ZP3: variants seen among roughly 807,000 people sequenced by gnomAD.
The protein encoded by ZP3 is zona pellucida glycoprotein 3.
ZP3 carries 21 observed loss-of-function variants against 35.6 expected under a neutral mutation model. The observed-to-expected ratio is 0.59, with a 90% CI of 0.42 to 0.85. The LOEUF (loss-of-function observed/expected upper bound fraction) is 0.85. ZP3 is among the 40% of genes least tolerant of loss of function. The pLI, the probability that ZP3 is intolerant of heterozygous loss-of-function variation, is 0.00. For synonymous variants in ZP3, 207 were observed against 214.5 expected (o/e 0.96, Z 0.31); for missense variants, 437 against 536.5 (o/e 0.81, Z 1.83).
intron 2 of ZP3, among the ~76,000 whole-genome samples, chr7:76,431,403 T>C (rs1805820732): frequency 6.6e-6 from 1 of 152,176 alleles, no homozygotes; most frequent in African/African-American, 2.4e-5. Flanking sequence ...GCTGGGATGC[T>C]TTAACCTGGC....
At chr7:76,407,362 C>T (rs997922319) in intron 1 of ZP3, among the ~76,000 whole-genome samples, 85 of 151,744 alleles carry the variant, frequency 5.6e-4, no homozygotes, top group African/African-American at 1.8e-3. Flanking sequence ...GACAGAGTCT[C>T]GCCTTGTCGC....
intron 1 of ZP3, among the ~76,000 whole-genome samples, chr7:76,410,027 T>G (rs936632288): frequency 6.6e-6 from 1 of 152,068 alleles, no homozygotes; most frequent in Admixed American, 6.6e-5. Context: ...GCCTTCTTTT[T>G]TTTTCTTTTT....
chr7:76,402,612 C>T (rs936455443), intron 1 of ZP3, among the ~76,000 whole-genome samples: 10 of 152,304 alleles, frequency 6.6e-5, no homozygotes, highest in Middle Eastern at 3.4e-3. Context: ...AGCCACCTTG[C>T]CTGGCCTTGA....
intron 2 of ZP3, 107 bp from the exon 3 acceptor site, chr7:76,432,820 A>T (rs777958122): frequency 1.5e-4 from 137 of 906,656 alleles, no homozygotes; most frequent in Non-Finnish European, 2.2e-4. Flanking sequence ...TGGCTGGGCC[A>T]TAGCTGAGGA....
intron 1 of ZP3, among the ~76,000 whole-genome samples, chr7:76,427,595 T>TA (rs71085412): frequency 0.01 from 1,534 of 151,960 alleles, 14 homozygotes; most frequent in Non-Finnish European, 0.016. Context: ...GCCCAGTGCT[T>TA]AATGGAATGC....
At chr7:76,437,634 C>A (rs1460977408) in intron 5 of ZP3, among the ~76,000 whole-genome samples, 7 of 150,622 alleles carry the variant, frequency 4.6e-5, no homozygotes, top group Admixed American at 6.7e-5. Flanking sequence ...TTATAGGCAC[C>A]TGCCACCATG....
chr7:76,401,782 T>G (rs896976797), intron 1 of ZP3, among the ~76,000 whole-genome samples: 13 of 152,248 alleles, frequency 8.5e-5, no homozygotes, highest in Non-Finnish European at 1.6e-4. Context: ...AGCCCTCAGC[T>G]AGAAGTGCTC....
chr7:76,404,609 T>G, intron 1 of ZP3: 1 of 881,108 alleles, frequency 1.1e-6, no homozygotes, highest in Non-Finnish European at 1.7e-6. Flanking sequence ...CTGGGCAACA[T>G]AGTGAGACCC....
upstream of ZP3, among the ~76,000 whole-genome samples, chr7:76,423,025 G>GAGAGAGAGAGAGAGAGAGAGAA (rs1278384225): frequency 1.3e-5 from 1 of 75,844 alleles, no homozygotes; most frequent in African/African-American, 4.9e-5. Context: ...GAGAGAGAGA[G>GAGAGAGAGAGAGAGAGAGAGAA]AGAAAGAAAG....
intron 2 of ZP3, among the ~76,000 whole-genome samples, chr7:76,431,483 A>G (rs1563700239): frequency 1.3e-5 from 2 of 152,252 alleles, no homozygotes; most frequent in East Asian, 3.9e-4. Context: ...AGCAGATCCT[A>G]TGGGGTTAGC....
At chr7:76,438,368 G>A (rs1449689149) in intron 5 of ZP3, among the ~76,000 whole-genome samples, 1 of 152,126 alleles carries the variant, frequency 6.6e-6, no homozygotes, top group Non-Finnish European at 1.5e-5. Context: ...GACAAGCCTG[G>A]CCAACATGGG....
At chr7:76,434,600 T>C in intron 5 of ZP3, among the ~76,000 whole-genome samples, 1 of 134,370 alleles carries the variant, frequency 7.4e-6, no homozygotes. Flanking sequence ...ATTGTGCCAC[T>C]GCACCTCCAG....
At chr7:76,426,266 A>G (rs1805647807) in intron 1 of ZP3, among the ~76,000 whole-genome samples, 1 of 152,118 alleles carries the variant, frequency 6.6e-6, no homozygotes, top group African/African-American at 2.4e-5. Context: ...TTCCCTAGCC[A>G]GTGGGGAAAG....
chr7:76,407,964 A>C (rs979906113), intron 1 of ZP3, among the ~76,000 whole-genome samples: 3 of 152,124 alleles, frequency 2.0e-5, no homozygotes, highest in Admixed American at 6.6e-5. Flanking sequence ...GCAGAGAGGA[A>C]GGAGAGATGC....
At position 76,402,332 on chromosome 7, in the gene ZP3, G is replaced by A. The variant is rs150149357; in HGVS notation, c.-67+4535G>A. Among the ~76,000 whole-genome samples the A allele has an allele frequency of 7.9e-5, 12 of 151,482 alleles. No individual in the cohort carries two copies. In the East Asian group the frequency reaches 9.8e-4, roughly 12 times the overall value. On this transcript the variant is annotated intron_variant, in intron 1 of 8. Coordinates refer to the ZP3 transcript ENST00000336517. ...GTAATTGGGACTGCAGGCGCACACC[G>A]CCACACCCAGCTAATTTTTATATTT...
chr7:76,425,296 C>T lies in ZP3; in HGVS notation c.312+20C>T, dbSNP rs1805618782. The T allele has an allele frequency of 1.3e-6, 2 of 1,585,294 alleles. No individual in the cohort carries two copies. Among genetic ancestry groups the T allele is most frequent in the Non-Finnish European group, 1.7e-6 (2 of 1,165,392 alleles). The stretch of plus-strand genomic sequence containing the variant: ...ATGCAGGTAAGAGAGGCTGGGGGCC[C>T]TGGCTTTGGTGGGAGGATGTTCGAG... On this transcript the variant is annotated intron_variant, in intron 1 of 7. Transcript: ENST00000394857.
chr7:76,422,186 T>A (rs367780753), upstream of ZP3, among the ~76,000 whole-genome samples: 2 of 151,496 alleles, frequency 1.3e-5, no homozygotes, highest in Non-Finnish European at 2.9e-5. Context: ...CATGAGCCAC[T>A]ACGCCCGGCC....
chr7:76,427,454 T>C (rs1033271104), intron 1 of ZP3, among the ~76,000 whole-genome samples: 2 of 146,952 alleles, frequency 1.4e-5, no homozygotes, highest in African/African-American at 5.1e-5. Flanking sequence ...AGGCGTAGGT[T>C]GCAGTGAGTT....
intron 1 of ZP3, among the ~76,000 whole-genome samples, chr7:76,410,888 G>A (rs868674499): frequency 4.0e-5 from 6 of 151,208 alleles, no homozygotes; most frequent in African/African-American, 7.3e-5. Context: ...CCAGCTACTC[G>A]AGAGGCTGAG....
Sources: gnomAD v4.1 joint callset for allele counts (sites outside exome capture counted in the v4.1 genomes callset) on GRCh38, gnomAD v4.1.1 for gene constraint, MANE v1.5 for transcripts, NCBI Gene and HGNC (gene_info 2026-07-23, HGNC 2026-07-21) for gene names.